CA1: variants seen among roughly 807,000 people sequenced by gnomAD.
The protein encoded by CA1 is carbonate dehydratase I.
In CA1, 27 loss-of-function variants were observed where a neutral mutation model predicts 28.8. The ratio of observed to expected loss-of-function variants is 0.94; its 90% CI spans 0.69 to 1.29. The LOEUF (loss-of-function observed/expected upper bound fraction) is 1.29. CA1 is among the 50% of genes most tolerant of loss of function. The probability of loss-of-function intolerance (pLI) is 0.00; values close to 1 mark genes in which losing one functional copy is unlikely to be tolerated. For synonymous variants in CA1, 121 were observed against 108.8 expected (o/e 1.11, Z -0.70); for missense variants, 335 against 310.5 (o/e 1.08, Z -0.59).
intron 1 of CA1, among the ~76,000 whole-genome samples, chr8:85,365,334 G>T (rs67723787): frequency 1.3e-5 from 2 of 152,150 alleles, no homozygotes; most frequent in Admixed American, 1.3e-4. Context: ...AGGTAGCTCC[G>T]TCTCTACCAT....
Position 85,338,262 on chromosome 8 carries a change from A to G in CA1, c.225T>C (p.Asp75=). Reference sequence around the variant, plus strand: ...GGTCTTTCAGCTCACCTGATCGGTTATCGTTGTCCTCAAAATTTACATGGA... The same window carrying G: ...GGTCTTTCAGCTCACCTGATCGGTTGTCGTTGTCCTCAAAATTTACATGGA... ...HSFHVNFEDN[D]NRSVLKGGPF... is the part of the protein sequence containing the mutation. The change falls in exon 3 of 8, where the codon GAT becomes GAC. Residue 75 remains aspartate, a synonymous_variant. Coordinates refer to ENST00000523022, the MANE Select transcript of CA1 (RefSeq NM_001128831.4). 1 of 1,613,548 alleles carries G rather than the reference A, an allele frequency of 6.2e-7. No individual in the cohort carries two copies. The highest frequency in any genetic ancestry group is 8.5e-7 in the Non-Finnish European group (1 of 1,179,502).
chr8:85,360,994 A>G (rs541859874), intron 1 of CA1, among the ~76,000 whole-genome samples: 25 of 152,330 alleles, frequency 1.6e-4, no homozygotes, highest in African/African-American at 5.8e-4. Flanking sequence ...GGGTTCTGCA[A>G]GAAGTAACTG....
chr8:85,331,136 T>A (rs1225832843), intron 6 of CA1, among the ~76,000 whole-genome samples: 1 of 152,150 alleles, frequency 6.6e-6, no homozygotes, highest in African/African-American at 2.4e-5. Flanking sequence ...TACTTTTAGG[T>A]TCTCAGTCTA....
chr8:85,354,324 T>C (rs560318078), intron 1 of CA1, among the ~76,000 whole-genome samples: 5 of 151,014 alleles, frequency 3.3e-5, no homozygotes, highest in African/African-American at 1.2e-4. Context: ...GAAAAACATA[T>C]CTAGAGAGAG....
intron 1 of CA1, among the ~76,000 whole-genome samples, chr8:85,354,940 G>C (rs542461460): frequency 1.3e-5 from 2 of 152,236 alleles, no homozygotes; most frequent in South Asian, 4.2e-4. Flanking sequence ...TCAGCTTTCT[G>C]GACCTTAGCC....
chr8:85,369,587 AAGG>A (rs1205332705), intron 1 of CA1, among the ~76,000 whole-genome samples: 2 of 152,198 alleles, frequency 1.3e-5, no homozygotes, highest in Non-Finnish European at 1.5e-5. Flanking sequence ...GGCCAACAAG[AAGG>A]AGATGTTTAG....
chr8:85,349,813 T>G (rs1002950396), intron 1 of CA1: 1 of 152,216 alleles, frequency 6.6e-6, no homozygotes, highest in Non-Finnish European at 1.5e-5. Context: ...AAATCTACCT[T>G]ATTTCTTCCA....
chr8:85,376,613 G>C (rs1810425579), intron 1 of CA1, among the ~76,000 whole-genome samples: 1 of 151,378 alleles, frequency 6.6e-6, no homozygotes, highest in Non-Finnish European at 1.5e-5. Context: ...AGTGAGCTGA[G>C]ATCACACCAC....
intron 1 of CA1, among the ~76,000 whole-genome samples, chr8:85,355,531 C>A (rs542196662): frequency 1.3e-5 from 2 of 149,718 alleles, no homozygotes; most frequent in African/African-American, 4.9e-5. Flanking sequence ...TACAGGTGCA[C>A]GCCACTATGT....
chr8:85,329,571 G>A (rs951300582), intron 7 of CA1, 118 bp downstream of exon 7: 3 of 887,644 alleles, frequency 3.4e-6, no homozygotes, highest in African/African-American at 3.3e-5. Flanking sequence ...TTTTAAGTTG[G>A]GAGGAAAAAT....
At chr8:85,351,203 G>A (rs1430328454) in intron 1 of CA1, among the ~76,000 whole-genome samples, 1 of 152,228 alleles carries the variant, frequency 6.6e-6, no homozygotes, top group African/African-American at 2.4e-5. Flanking sequence ...CTTCTTCCAA[G>A]GGAGCATTGA....
chr8:85,358,311 C>G (rs1371168626), intron 1 of CA1, among the ~76,000 whole-genome samples: 1 of 152,132 alleles, frequency 6.6e-6, no homozygotes, highest in African/African-American at 2.4e-5. Context: ...TTCTTGACCT[C>G]GCTAAACTTC....
At chr8:85,369,075 C>T (rs779223506) in intron 1 of CA1, among the ~76,000 whole-genome samples, 2 of 152,144 alleles carry the variant, frequency 1.3e-5, no homozygotes, top group Non-Finnish European at 2.9e-5. Context: ...CTCTCCCAGC[C>T]TTGAACCCTG....
At chr8:85,340,797 A>G (rs769619463) in intron 2 of CA1, among the ~76,000 whole-genome samples, 3 of 152,118 alleles carry the variant, frequency 2.0e-5, no homozygotes, top group Non-Finnish European at 4.4e-5. Context: ...AGCAACCACT[A>G]TCCTGATCAG....
chr8:85,329,550 C>T, intron 7 of CA1, 139 bp downstream of exon 7: 1 of 819,222 alleles, frequency 1.2e-6, no homozygotes, highest in Non-Finnish European at 2.0e-6. Context: ...CCTATGTCCC[C>T]AAATTAATAT....
intron 3 of CA1, chr8:85,337,264 G>A: frequency 1.7e-6 from 1 of 573,188 alleles, no homozygotes; most frequent in Non-Finnish European, 3.2e-6. Flanking sequence ...GCATTGATGA[G>A]CTATTCCATG....
At chr8:85,355,838 T>C (rs1459185969) in intron 1 of CA1, among the ~76,000 whole-genome samples, 1 of 129,198 alleles carries the variant, frequency 7.7e-6, no homozygotes, top group African/African-American at 3.3e-5. Context: ...CAGTGATAAA[T>C]GGCAGGTCTA....
At chr8:85,357,121 A>G (rs1809632512) in intron 1 of CA1, among the ~76,000 whole-genome samples, 1 of 152,224 alleles carries the variant, frequency 6.6e-6, no homozygotes, top group Non-Finnish European at 1.5e-5. Context: ...AATAAAGACT[A>G]TAAATAGCTT....
At chr8:85,346,533 C>G (rs922922339) in intron 1 of CA1, among the ~76,000 whole-genome samples, 2 of 151,968 alleles carry the variant, frequency 1.3e-5, no homozygotes, top group African/African-American at 2.4e-5. Flanking sequence ...AAGCTGAGAC[C>G]GGTGGATCAC....
Sources: allele counts gnomAD v4.1 joint callset (sites outside exome capture counted in the v4.1 genomes callset), GRCh38; gene constraint gnomAD v4.1.1; transcripts MANE v1.5; gene names NCBI Gene and HGNC (gene_info 2026-07-23, HGNC 2026-07-21).